The following KRABD4 variants were observed in gnomAD, a reference collection of about 807,000 sequenced individuals.
KRABD4 encodes the protein KRAB domain-containing protein 4.
At chrX:46,459,808 C>CA in the KRABD4 span, among the ~76,000 whole-genome samples, 1 of 111,957 alleles carries the variant, frequency 8.9e-6, no homozygotes. Flanking sequence ...TCTCACTTGA[C>CA]ACAACACTTC....
the KRABD4 span, among the ~76,000 whole-genome samples, chrX:46,469,145 TCTTA>T: frequency 1.8e-5 from 2 of 112,328 alleles, no homozygotes; most frequent in Non-Finnish European, 3.8e-5. Flanking sequence ...GTATGAGTCC[TCTTA>T]CTTTGTTCTT....
chrX:46,452,225 T>C, the KRABD4 span, among the ~76,000 whole-genome samples: 1 of 111,215 alleles, frequency 9.0e-6, no homozygotes, highest in African/African-American at 3.3e-5. Context: ...GCATGTGCTC[T>C]CTCTCTCTCT....
chrX:46,452,264 T>A, the KRABD4 span, among the ~76,000 whole-genome samples: 7 of 108,239 alleles, frequency 6.5e-5, no homozygotes, highest in Non-Finnish European at 1.2e-4. Flanking sequence ...CAAGTTACAG[T>A]ACATCCTGGT....
chrX:46,449,653 TAA>T, the KRABD4 span, among the ~76,000 whole-genome samples: 2 of 112,608 alleles, frequency 1.8e-5, no homozygotes, highest in Admixed American at 1.9e-4. Flanking sequence ...CATTAGGAAC[TAA>T]AAACAAATTC....
At chrX:46,473,401 C>A in the KRABD4 span, 1 of 1,190,918 alleles carries the variant, frequency 8.4e-7, no homozygotes, top group Admixed American at 2.3e-5. Flanking sequence ...TAAGAAAATT[C>A]ATATGGAGAG....
At chrX:46,463,459 C>T in the KRABD4 span, 1 of 540,205 alleles carries the variant, frequency 1.9e-6, no homozygotes, top group Non-Finnish European at 3.3e-6. Context: ...AGGCCTCTGC[C>T]TGGCCGCCGG....
chrX:46,465,251 T>A, the KRABD4 span, among the ~76,000 whole-genome samples: 1 of 113,179 alleles, frequency 8.8e-6, no homozygotes, highest in Non-Finnish European at 1.9e-5. Flanking sequence ...AGAGCCTACA[T>A]CTTGTTCTGA....
chrX:46,466,630 CT>C, the KRABD4 span, among the ~76,000 whole-genome samples: 1 of 112,438 alleles, frequency 8.9e-6, no homozygotes, highest in African/African-American at 3.2e-5. Context: ...ACAAAATGCC[CT>C]TATGGCACCA....
the KRABD4 span, chrX:46,455,366 C>A: frequency 4.2e-6 from 2 of 481,534 alleles, no homozygotes; most frequent in South Asian, 2.7e-5. Flanking sequence ...AAGTCCTATT[C>A]ATCCTCCTCA....
chrX:46,461,502 G>A, the KRABD4 span, among the ~76,000 whole-genome samples: 548 of 111,674 alleles, frequency 4.9e-3, 3 homozygotes, highest in Middle Eastern at 0.014. Flanking sequence ...CCCCTCTCCT[G>A]CACAGCTGGG....
At chrX:46,474,612 ATCAT>A in the KRABD4 span, 37 of 111,763 alleles carry the variant, frequency 3.3e-4, no homozygotes, top group African/African-American at 1.1e-3. Flanking sequence ...AGCTACTCAA[ATCAT>A]TCAATAAATG....
At chrX:46,454,671 G>A in the KRABD4 span, among the ~76,000 whole-genome samples, 1 of 110,339 alleles carries the variant, frequency 9.1e-6, no homozygotes, top group South Asian at 3.9e-4. Context: ...GCGTGGTGGT[G>A]CGTGCCTGTA....
the KRABD4 span, chrX:46,473,464 T>C: frequency 2.0e-6 from 2 of 995,196 alleles, no homozygotes; most frequent in East Asian, 6.6e-5. Context: ...AAGTCAACTC[T>C]CATTAAACAT....
the KRABD4 span, chrX:46,471,248 T>C: frequency 9.7e-7 from 1 of 1,029,722 alleles, no homozygotes; most frequent in Non-Finnish European, 1.3e-6. Context: ...CATTTTGTAA[T>C]GTCCCTCTTT....
the KRABD4 span, chrX:46,454,123 G>A: frequency 6.4e-6 from 1 of 156,174 alleles, no homozygotes; most frequent in Admixed American, 5.8e-5. Context: ...TACCTCATTT[G>A]TTCTTCCTCC....
chrX:46,474,075 C>T, the KRABD4 span: 4 of 112,229 alleles, frequency 3.6e-5, no homozygotes, highest in Non-Finnish European at 5.6e-5. Context: ...TAAAGCTACC[C>T]TTATTGTATA....
the KRABD4 span, among the ~76,000 whole-genome samples, chrX:46,452,966 C>CT: frequency 2.7e-5 from 3 of 111,680 alleles, no homozygotes; most frequent in Non-Finnish European, 3.8e-5. Context: ...ACCATTTGTA[C>CT]TTTTTTCTTT....
chrX:46,467,722 A>G, the KRABD4 span, among the ~76,000 whole-genome samples: 1 of 111,454 alleles, frequency 9.0e-6, no homozygotes, highest in African/African-American at 3.3e-5. Context: ...GCATGTTTTC[A>G]TGTGCTTATT....
At chrX:46,473,309 A>G in the KRABD4 span, 9 of 1,166,927 alleles carry the variant, frequency 7.7e-6, no homozygotes, top group African/African-American at 1.4e-4. Context: ...ATAGCACACC[A>G]GAGAACTCAC....
Sources: gnomAD v4.1 joint callset for allele counts (sites outside exome capture counted in the v4.1 genomes callset) on GRCh38, gnomAD v4.1.1 for gene constraint, MANE v1.5 for transcripts, NCBI Gene and HGNC (gene_info 2026-07-23, HGNC 2026-07-21) for gene names.